Variants in DERL2 observed in about 807,000 individuals in gnomAD.
The protein encoded by DERL2 is derlin-2.
Under a neutral mutation model 32.0 loss-of-function variants are expected in DERL2, and 13 were observed. The ratio of observed to expected loss-of-function variants is 0.41; its 90% confidence interval spans 0.26 to 0.65. The LOEUF is 0.65. Ranked by LOEUF, DERL2 falls within the 30% of genes least tolerant of loss-of-function variation. The pLI is 0.35. For missense variants in DERL2, 208 were observed against 296.3 expected, an observed-to-expected ratio of 0.70 and a Z score of 2.19; for synonymous variants, 111 against 104.7, an observed-to-expected ratio of 1.06 and a Z score of -0.37.
chr17:5,475,828 G>A (rs1315038281), intron 6 of DERL2, among the ~76,000 whole-genome samples: 2 of 152,096 alleles, frequency 1.3e-5, no homozygotes, highest in Non-Finnish European at 2.9e-5. Context: ...TAAGAAATAA[G>A]CCAGACAAAA....
In DERL2 at chr17:5,472,210, A is replaced by C. The variant is rs1321900637; in HGVS notation, c.*2474T>G. 6.6e-6 allele frequency: 1 copy of C among 152,234 alleles called. No homozygotes were observed. The highest frequency in any genetic ancestry group is 1.9e-4 in the East Asian group (1 of 5,204). 9.4% of individuals were successfully genotyped at this position (152,234 alleles called of 1,614,324 possible). ...TTAGTCAAGTGTGCTTTTCAGTATC[A>C]CTAGAAGAATCCAGGAATCCCTCAA... On this transcript the variant is annotated 3_prime_UTR_variant, in exon 7 of 7. Coordinates refer to ENST00000158771, the MANE Select transcript of DERL2 (RefSeq NM_016041.5).
At position 5,480,111 on chromosome 17, in the gene DERL2, T is replaced by A; in HGVS notation, c.557A>T (p.Glu186Val). Residue 186 changes from glutamate (E) to valine (V), a missense_variant, in exon 6 of 7, where the codon GAA becomes GTA. This residue lies in a region of DERL2 where 124 missense variants were observed against 215.3 expected (regional missense o/e 0.58). Transcript: ENST00000158771. ...IAVGHIYFFLEDVFPNQPGGI... is the reference protein window; with the variant it reads ...IAVGHIYFFLVDVFPNQPGGI... ...ACCAGGTTGATTGGGAAATACATCT[T>A]CCAAGAAAAAATATATGTGTCCAAC... 1 of 1,609,712 alleles carries A rather than the reference T, an allele frequency of 6.2e-7. No homozygotes were observed. The highest frequency in any genetic ancestry group is 8.5e-7 in the Non-Finnish European group (1 of 1,176,824).
Position 5,474,012 on chromosome 17 carries a change from T to C in DERL2, c.*672A>G, listed in dbSNP as rs1044176550. ...CAAGAACCATCCTCCCTCCTTTTTT[T>C]TCATGTTGTCTGACAAAGTTTGGCA... is the stretch of plus-strand genomic sequence containing the variant. On this transcript the variant is annotated 3_prime_UTR_variant, in exon 7 of 7. Transcript: ENST00000158771. The surrounding 1 kb of genome is among the most constrained non-coding windows in gnomAD (Gnocchi z 4.3). 1 of 152,172 alleles carries C rather than the reference T, an allele frequency of 6.6e-6. No homozygotes were observed. Among genetic ancestry groups the C allele is most frequent in the Non-Finnish European group, 1.5e-5 (1 of 68,022 alleles). 9.4% of individuals were successfully genotyped at this position (152,172 alleles called of 1,614,324 possible).
At chr17:5,483,147 A>G (rs1271788849) in intron 2 of DERL2, among the ~76,000 whole-genome samples, 1 of 152,120 alleles carries the variant, frequency 6.6e-6, no homozygotes, top group Non-Finnish European at 1.5e-5. Context: ...TGATCGTCGT[A>G]TGGAGAAAGT....
At chr17:5,476,678 G>A (rs1054500926) in intron 6 of DERL2, among the ~76,000 whole-genome samples, 8 of 152,200 alleles carry the variant, frequency 5.3e-5, no homozygotes, top group African/African-American at 1.9e-4. Flanking sequence ...CTACTAGGGA[G>A]GCTGACGCAG....
rs1030694440 is a variant in DERL2, at chr17:5,471,774, A to T, written c.*2910T>A. 6.6e-6 allele frequency: 1 copy of T among 152,234 alleles called. No individual in the cohort carries two copies. The highest frequency in any genetic ancestry group is 6.5e-5 in the Admixed American group (1 of 15,290). The allele number at this position is 152,234 out of a possible 1,614,324, so 9.4% of individuals were successfully genotyped here. A position where few individuals can be genotyped will look rare whatever the true frequency, so the allele number is the denominator to read the frequency against. On this transcript the variant is annotated 3_prime_UTR_variant, in exon 7 of 7. Coordinates refer to ENST00000158771, the MANE Select transcript of DERL2 (RefSeq NM_016041.5). ...ACAGAACACAGAAAATAATGGCAGG[A>T]TCATGACTAACAACATAGCTGGAAC...
At position 5,476,750 on chromosome 17, in the gene DERL2, A is replaced by C. The variant is rs971939039; in HGVS notation, c.615-1961T>G. Among the ~76,000 whole-genome samples, 9 of 152,266 alleles carry C rather than the reference A, an allele frequency of 5.9e-5. No individual in the cohort carries two copies. The South Asian group carries it at 8.3e-4, about 14-fold the overall frequency. ...GAGCCGAGATTGAGCCACTGCACTC[A>C]AGCCTGGGTGACAGAGCAAGAATCC... On this transcript the variant is annotated intron_variant, in intron 6 of 6. Transcript: ENST00000158771.
chr17:5,486,230 C>A, upstream of DERL2: 2 of 1,220,456 alleles, frequency 1.6e-6, no homozygotes, highest in Non-Finnish European at 2.2e-6. Flanking sequence ...GCCCCGGCGG[C>A]GGGGCGGGCC....
In DERL2 at chr17:5,473,560, T is replaced by G. The variant is rs1905214207; in HGVS notation, c.*1124A>C. The G allele has an allele frequency of 6.6e-6, 1 of 151,488 alleles. No homozygotes were observed. Among genetic ancestry groups the G allele is most frequent in the African/African-American group, 2.4e-5 (1 of 41,198 alleles). The allele number at this position is 151,488 out of a possible 1,614,324, so 9.4% of individuals were successfully genotyped here. On this transcript the variant is annotated 3_prime_UTR_variant, in exon 7 of 7. Coordinates refer to ENST00000158771, the MANE Select transcript of DERL2 (RefSeq NM_016041.5). Reference sequence around the variant, plus strand: ...TCGTCTGGCTCCAAAGTCAACATTCTAACTTGGTTTCCAAATCTAATGAAA... The same window carrying G: ...TCGTCTGGCTCCAAAGTCAACATTCGAACTTGGTTTCCAAATCTAATGAAA...
In DERL2 at chr17:5,482,849, C is replaced by CA; in HGVS notation, c.192dup (p.Gly65TrpfsTer10). On this transcript the variant is annotated frameshift_variant, in exon 3 of 7. Coordinates refer to ENST00000158771, the MANE Select transcript of DERL2 (RefSeq NM_016041.5). LOFTEE classifies it high-confidence loss of function. ...AATAAAAAATTGAATCCAACTGGCC[C>CA]AAAAAATAAGAAGTTGGTGATTAAT... is the stretch of plus-strand genomic sequence containing the variant. 2.0e-6 allele frequency: 3 copies of CA among 1,514,382 alleles called. No individual in the cohort carries two copies. Among genetic ancestry groups the CA allele is most frequent in the Non-Finnish European group, 2.7e-6 (3 of 1,109,152 alleles). The allele number at this position is 1,514,382 out of a possible 1,614,324, so 93.8% of individuals were successfully genotyped here. A position where few individuals can be genotyped will look rare whatever the true frequency, so the allele number is the denominator to read the frequency against.
At chr17:5,484,574 G>A (rs556542257) in intron 2 of DERL2, among the ~76,000 whole-genome samples, 32 of 152,338 alleles carry the variant, frequency 2.1e-4, no homozygotes, top group African/African-American at 7.5e-4. Flanking sequence ...TCACTGGAAA[G>A]GACCATCTCC....
At chr17:5,484,952 G>A (rs1906070533) in intron 2 of DERL2, among the ~76,000 whole-genome samples, 199 bp downstream of exon 2, 1 of 152,184 alleles carries the variant, frequency 6.6e-6, no homozygotes, top group South Asian at 2.1e-4. Flanking sequence ...AGGAGCTTGA[G>A]AATCTCTTCA....
chr17:5,475,143 T>C (rs759193510), intron 6 of DERL2, among the ~76,000 whole-genome samples: 2 of 152,234 alleles, frequency 1.3e-5, no homozygotes, highest in African/African-American at 2.4e-5. Flanking sequence ...TCACACTACA[T>C]GTTTTGTAAC....
rs563062138 is a variant in DERL2, at chr17:5,481,449, T to C, written c.234-60A>G. On this transcript the variant is annotated intron_variant, in intron 3 of 6. Transcript: ENST00000158771. This position sits in a 1 kb window ranked among gnomAD's most constrained non-coding sequence, Gnocchi z 4.4. ...GAATATGAACAAAGTAAAAATTTAA[T>C]GTTATCTTGTAAGTACACTTGGATT... The C allele has an allele frequency of 1.7e-4, 199 of 1,183,504 alleles. 4 individuals are homozygous for C. In the South Asian group the frequency reaches 2.4e-3, roughly 14 times the overall value. The allele number at this position is 1,183,504 out of a possible 1,614,324, so 73.3% of individuals were successfully genotyped here. A position where few individuals can be genotyped will look rare whatever the true frequency, so the allele number is the denominator to read the frequency against.
intron 3 of DERL2, chr17:5,482,428 C>T (rs2151707244): frequency 5.4e-6 from 1 of 183,880 alleles, no homozygotes; most frequent in African/African-American, 2.4e-5. Flanking sequence ...CTCAGGTTCC[C>T]ACTCCTCATG....
Position 5,485,166 on chromosome 17 carries a change from G to T in DERL2, c.144C>A (p.Ile48=). ...PFQLYFNPEL[I]FKHFQIWRLI... is the part of the protein sequence containing the mutation. ...AACCACTTACTTGAAAGTGTTTAAA[G>T]ATTAATTCAGGATTGAAGTACAACT... is the stretch of plus-strand genomic sequence containing the variant. Residue 48 remains isoleucine, a synonymous_variant, in exon 2 of 7, where the codon ATC becomes ATA. Transcript: ENST00000158771. The T allele has an allele frequency of 6.3e-7, 1 of 1,589,086 alleles. No individual in the cohort carries two copies. The highest frequency in any genetic ancestry group is 1.2e-5 in the South Asian group (1 of 86,484).
upstream of DERL2, chr17:5,486,203 TC>T: frequency 8.6e-7 from 1 of 1,165,892 alleles, no homozygotes; most frequent in Non-Finnish European, 1.1e-6. Flanking sequence ...CCACCCCATT[TC>T]CCCTTCCGCC....
upstream of DERL2, chr17:5,486,220 G>C: frequency 7.2e-7 from 1 of 1,388,418 alleles, no homozygotes; most frequent in Non-Finnish European, 9.5e-7. Context: ...CCGCCAGCAG[G>C]CCCCGGCGGC....
chr17:5,475,225 A>C (rs1275724117), intron 6 of DERL2, among the ~76,000 whole-genome samples: 1 of 152,200 alleles, frequency 6.6e-6, no homozygotes, highest in Non-Finnish European at 1.5e-5. Context: ...TCAACAGGTG[A>C]ATAAACAAAA....
Sources: gnomAD v4.1 joint callset for allele counts (sites outside exome capture counted in the v4.1 genomes callset) on GRCh38, gnomAD v4.1.1 for gene constraint, gnomAD v4.1.1 regional missense constraint, Gnocchi (gnomAD v3.1) non-coding constraint, MANE v1.5 for transcripts, NCBI Gene and HGNC (gene_info 2026-07-23, HGNC 2026-07-21) for gene names.